Variants in MAML3 observed in about 807,000 individuals in gnomAD.
MAML3 encodes the protein mastermind like transcriptional coactivator 3, also known as mastermind-like protein 3.
In MAML3, 27 loss-of-function variants were observed where a neutral mutation model predicts 101.9. That is an observed-to-expected ratio of 0.27 (90% confidence interval 0.20 to 0.37). The LOEUF is 0.37. Among genes scored for constraint, MAML3 ranks in the 10% least tolerant of loss-of-function variants. The probability of loss-of-function intolerance (pLI) is 1.00; values close to 1 mark genes in which losing one functional copy is unlikely to be tolerated. For missense variants in MAML3, 1,316 were observed against 1,444.9 expected (o/e 0.91, Z 1.45); for synonymous variants, 501 against 555.9 (o/e 0.90, Z 1.39).
chr4:140,050,740 G>A (rs76233472), intron 1 of MAML3, among the ~76,000 whole-genome samples: 512 of 152,288 alleles, frequency 3.4e-3, no homozygotes, highest in South Asian at 0.021. Context: ...AATCTATAAA[G>A]TGACCAACTC....
At chr4:140,060,383 A>AAAAAAAAAAAAAAAC (rs1727426174) in intron 1 of MAML3, among the ~76,000 whole-genome samples, 1 of 148,882 alleles carries the variant, frequency 6.7e-6, no homozygotes, top group Non-Finnish European at 1.5e-5. Context: ...AAAAAAAAAA[A>AAAAAAAAAAAAAAAC]AAGTCACAAG....
At chr4:140,063,414 T>C (rs2110941632) in intron 1 of MAML3, among the ~76,000 whole-genome samples, 1 of 152,312 alleles carries the variant, frequency 6.6e-6, no homozygotes, top group Non-Finnish European at 1.5e-5. Context: ...ACTCAAGTCA[T>C]GCCATTCTGT....
chr4:139,724,573 A>G (rs985897073), intron 4 of MAML3, among the ~76,000 whole-genome samples: 1 of 152,184 alleles, frequency 6.6e-6, no homozygotes, highest in Non-Finnish European at 1.5e-5. Flanking sequence ...AAGAGGCTTC[A>G]TAGCTTTTTG....
At chr4:140,075,983 A>C (rs1727759207) in intron 1 of MAML3, among the ~76,000 whole-genome samples, 1 of 152,078 alleles carries the variant, frequency 6.6e-6, no homozygotes, top group African/African-American at 2.4e-5. Context: ...GCTAGTCTCG[A>C]ACTCCTGGTC....
At chr4:139,835,429 C>T (rs1297003269) in intron 2 of MAML3, among the ~76,000 whole-genome samples, 1 of 152,192 alleles carries the variant, frequency 6.6e-6, no homozygotes, top group Non-Finnish European at 1.5e-5. Context: ...TGTTTCAGTT[C>T]TTGTTATATT....
intron 1 of MAML3, among the ~76,000 whole-genome samples, chr4:140,061,504 T>C (rs966075353): frequency 3.3e-5 from 5 of 152,220 alleles, no homozygotes; most frequent in African/African-American, 4.8e-5. Context: ...ATCAAAACAA[T>C]GATCAAAGTT....
At chr4:139,856,706 A>T (rs1731669757) in intron 2 of MAML3, among the ~76,000 whole-genome samples, 1 of 152,206 alleles carries the variant, frequency 6.6e-6, no homozygotes, top group Non-Finnish European at 1.5e-5. Context: ...TTCACCTCTA[A>T]ACTTTGTGAT....
intron 1 of MAML3, among the ~76,000 whole-genome samples, chr4:140,085,584 C>T (rs1284892895): frequency 1.3e-5 from 2 of 152,182 alleles, no homozygotes; most frequent in East Asian, 1.9e-4. Context: ...CTTATGCAAA[C>T]CTCTTAGAAG....
chr4:139,988,326 CAAAAAAAA>C (rs764018702), intron 1 of MAML3, among the ~76,000 whole-genome samples: 32,989 of 82,040 alleles, frequency 0.4, 4,419 homozygotes, highest in Non-Finnish European at 0.5. Flanking sequence ...GACTCCGTCT[CAAAAAAAA>C]AAAAAAAAAA....
At chr4:139,867,180 G>T (rs1358414977) in intron 2 of MAML3, among the ~76,000 whole-genome samples, 1 of 152,110 alleles carries the variant, frequency 6.6e-6, no homozygotes, top group Non-Finnish European at 1.5e-5. Flanking sequence ...CATTCCGTCT[G>T]GATTGTCATG....
intron 2 of MAML3, among the ~76,000 whole-genome samples, chr4:139,862,113 A>G (rs1731795486): frequency 6.6e-6 from 1 of 152,152 alleles, no homozygotes; most frequent in African/African-American, 2.4e-5. Context: ...GGATGCTGAG[A>G]CAGGGGAATT....
rs1157293904 is a variant in MAML3, at chr4:139,830,410, A to ATTTTTT, written c.2079+58941_2079+58946dup. Among the ~76,000 whole-genome samples, 75 of 121,282 alleles carry ATTTTTT rather than the reference A, an allele frequency of 6.2e-4. 1 individual carries two copies. The highest frequency in any genetic ancestry group is 2.6e-3 in the African/African-American group (67 of 25,924). 79.6% of individuals were successfully genotyped at this position (121,282 alleles called of 152,430 possible). ...AATAAATACTTTTGCACGCTGTGCTATTTTTTTTTTTTTTTTTTTTTTGAG... is the reference window on the plus strand; with the variant it reads ...AATAAATACTTTTGCACGCTGTGCTATTTTTTTTTTTTTTTTTTTTTTTTTTTTGAG... On this transcript the variant is annotated intron_variant, in intron 2 of 4. Coordinates refer to ENST00000509479, the MANE Select transcript of MAML3 (RefSeq NM_018717.5).
chr4:140,044,821 A>T (rs1727152627), intron 1 of MAML3, among the ~76,000 whole-genome samples: 1 of 152,196 alleles, frequency 6.6e-6, no homozygotes, highest in African/African-American at 2.4e-5. Context: ...TCCACCACAG[A>T]CATATGAGAG....
chr4:139,925,150 A>G (rs530614827), intron 1 of MAML3, among the ~76,000 whole-genome samples: 2 of 152,222 alleles, frequency 1.3e-5, no homozygotes, highest in African/African-American at 4.8e-5. Context: ...TTTTTCATTA[A>G]CCATCCCGAG....
At chr4:139,922,982 C>G (rs1032034511) in intron 1 of MAML3, among the ~76,000 whole-genome samples, 1 of 152,166 alleles carries the variant, frequency 6.6e-6, no homozygotes, top group South Asian at 2.1e-4. Flanking sequence ...TGAAATCTCA[C>G]GGGATCCCCT....
At chr4:139,893,667 C>A (rs944104109) in intron 1 of MAML3, among the ~76,000 whole-genome samples, 2 of 152,178 alleles carry the variant, frequency 1.3e-5, no homozygotes, top group Non-Finnish European at 2.9e-5. Context: ...CCTCTACATT[C>A]CTGGTTTTGG....
intron 1 of MAML3, among the ~76,000 whole-genome samples, chr4:140,040,944 G>A (rs1344477011): frequency 2.0e-5 from 3 of 152,100 alleles, no homozygotes; most frequent in East Asian, 3.9e-4. Flanking sequence ...ACTATTTAGC[G>A]AGTGTCTGAC....
chr4:139,911,186 C>T (rs1732913221), intron 1 of MAML3, among the ~76,000 whole-genome samples: 1 of 151,896 alleles, frequency 6.6e-6, no homozygotes, highest in South Asian at 2.1e-4. Context: ...GCATCATGTC[C>T]TCAAGTTTTG....
chr4:139,851,541 C>G (rs925361478), intron 2 of MAML3, among the ~76,000 whole-genome samples: 3 of 152,222 alleles, frequency 2.0e-5, no homozygotes, highest in Non-Finnish European at 4.4e-5. Flanking sequence ...ACAATGACAA[C>G]CAACATACAG....
Sources: gnomAD v4.1 joint callset for allele counts (sites outside exome capture counted in the v4.1 genomes callset) on GRCh38, gnomAD v4.1.1 for gene constraint, MANE v1.5 for transcripts, NCBI Gene and HGNC (gene_info 2026-07-23, HGNC 2026-07-21) for gene names.